The following SPEF2 variants were observed in gnomAD, a reference collection of about 807,000 sequenced individuals.
The protein encoded by SPEF2 is sperm flagella and cilia-associated protein 2.
A neutral mutation model predicts 224.6 loss-of-function variants in SPEF2; 187 were observed. The ratio of observed to expected loss-of-function variants is 0.83; its 90% confidence interval spans 0.74 to 0.94. The LOEUF is 0.94. Ranked by LOEUF, SPEF2 falls within the 40% of genes least tolerant of loss-of-function variation. The pLI, the probability that SPEF2 is intolerant of heterozygous loss-of-function variation, is 0.00. For missense variants in SPEF2, 2,170 were observed against 2,135.6 expected (o/e 1.02, Z -0.32); for synonymous variants, 715 against 707.3 (o/e 1.01, Z -0.17).
At chr5:35,768,613 A>T (rs1752395957) in intron 26 of SPEF2, among the ~76,000 whole-genome samples, 1 of 152,118 alleles carries the variant, frequency 6.6e-6, no homozygotes, top group South Asian at 2.1e-4. Context: ...TATATATTTT[A>T]ACTTATCTCT....
At chr5:35,722,652 C>G (rs1431111158) in intron 20 of SPEF2, among the ~76,000 whole-genome samples, 1 of 98,576 alleles carries the variant, frequency 1.0e-5, no homozygotes, top group Non-Finnish European at 1.9e-5. Context: ...CACCCCACAA[C>G]AGTCCCCAGA....
At chr5:35,753,579 G>A (rs752357375) in intron 23 of SPEF2, 45 bp from the exon 24 acceptor site, 39 of 1,610,752 alleles carry the variant, frequency 2.4e-5, no homozygotes, top group Non-Finnish European at 3.1e-5. Context: ...GGTGATTTGA[G>A]CAGCAATCTA....
intron 33 of SPEF2, among the ~76,000 whole-genome samples, chr5:35,797,857 G>C (rs150059731): frequency 3.7e-4 from 57 of 152,220 alleles, no homozygotes; most frequent in South Asian, 8.3e-4. Context: ...AGTGCTGCCA[G>C]GACTTGCTGT....
chr5:35,659,077 G>A lies in SPEF2; in HGVS notation c.1037G>A (p.Arg346His), dbSNP rs200344955. The A allele has an allele frequency of 4.3e-5, 69 of 1,609,684 alleles. No homozygotes were observed. Among genetic ancestry groups the A allele is most frequent in the Admixed American group, 8.4e-5 (5 of 59,644 alleles). ...CTGATGCGGCAGTCCCAGCAGGAGC[G>A]CAGGATTGCCGTGCAGCTCATGCAT... The part of the protein sequence containing the change: ...NRLMRQSQQE[R>H]RIAVQLMHVR... Residue 346 changes from arginine (R) to histidine (H), a missense_variant, in exon 8 of 37, where the codon CGC becomes CAC. By Grantham distance (29) the Arg-to-His change is conservative. Coordinates refer to ENST00000356031, the MANE Select transcript of SPEF2 (RefSeq NM_024867.4).
intron 2 of SPEF2, among the ~76,000 whole-genome samples, chr5:35,636,768 A>G (rs1335753855): frequency 6.6e-6 from 1 of 152,008 alleles, no homozygotes; most frequent in Admixed American, 6.6e-5. Flanking sequence ...TGAGGTCAAG[A>G]GTTTGAGATG....
chr5:35,775,640 A>G (rs1215382255), intron 28 of SPEF2, among the ~76,000 whole-genome samples: 3 of 152,002 alleles, frequency 2.0e-5, no homozygotes, highest in African/African-American at 4.8e-5. Context: ...AAGACAAATT[A>G]CTCTGGATAG....
intron 6 of SPEF2, among the ~76,000 whole-genome samples, chr5:35,651,964 G>T (rs921074038): frequency 6.6e-6 from 1 of 152,068 alleles, no homozygotes; most frequent in Non-Finnish European, 1.5e-5. Context: ...CTTTAGCTGG[G>T]GTTATTGGCT....
intron 1 of SPEF2, among the ~76,000 whole-genome samples, chr5:35,620,561 G>A (rs1377156293): frequency 6.6e-6 from 1 of 152,090 alleles, no homozygotes; most frequent in Non-Finnish European, 1.5e-5. Flanking sequence ...AATATATAAG[G>A]ATATTTGAAC....
chr5:35,630,400 G>A (rs918312858), intron 2 of SPEF2, among the ~76,000 whole-genome samples: 1 of 152,136 alleles, frequency 6.6e-6, no homozygotes, highest in Non-Finnish European at 1.5e-5. Flanking sequence ...CAAACTTCTT[G>A]AATGCTTTGC....
intron 20 of SPEF2, among the ~76,000 whole-genome samples, chr5:35,722,306 G>A (rs1161165228): frequency 6.6e-6 from 1 of 151,920 alleles, no homozygotes; most frequent in East Asian, 2.0e-4. Flanking sequence ...CATGGGGCAG[G>A]GAGCATCGGG....
At chr5:35,693,077 TG>T in intron 12 of SPEF2, among the ~76,000 whole-genome samples, 1 of 151,684 alleles carries the variant, frequency 6.6e-6, no homozygotes, top group East Asian at 1.9e-4. Flanking sequence ...AGCTGGTAAG[TG>T]GGGGTGGGTG....
intron 30 of SPEF2, among the ~76,000 whole-genome samples, chr5:35,780,092 T>C (rs757621688): frequency 2.6e-5 from 4 of 152,170 alleles, no homozygotes; most frequent in Non-Finnish European, 4.4e-5. Flanking sequence ...TATGGTCATA[T>C]ATCATTCAGA....
chr5:35,749,510 G>C (rs140121696), intron 23 of SPEF2, among the ~76,000 whole-genome samples: 1 of 151,908 alleles, frequency 6.6e-6, no homozygotes, highest in East Asian at 1.9e-4. Context: ...CAAAGTTTCC[G>C]GATACAAGAT....
At chr5:35,650,053 T>G (rs1346433393) in intron 6 of SPEF2, among the ~76,000 whole-genome samples, 1 of 152,190 alleles carries the variant, frequency 6.6e-6, no homozygotes, top group Non-Finnish European at 1.5e-5. Flanking sequence ...TGATCCAAAC[T>G]CTATGCATTT....
intron 21 of SPEF2, among the ~76,000 whole-genome samples, chr5:35,731,194 C>G (rs547933405): frequency 6.6e-6 from 1 of 152,124 alleles, no homozygotes; most frequent in East Asian, 1.9e-4. Flanking sequence ...GAAATGAAGT[C>G]AAATTAATCA....
intron 23 of SPEF2, among the ~76,000 whole-genome samples, chr5:35,742,816 G>A (rs1417181706): frequency 6.6e-6 from 1 of 151,792 alleles, no homozygotes; most frequent in Admixed American, 6.6e-5. Flanking sequence ...TGTTTGAGAT[G>A]AGTTTTAATA....
At chr5:35,714,805 A>G (rs1044831699) in intron 20 of SPEF2, among the ~76,000 whole-genome samples, 3 of 151,894 alleles carry the variant, frequency 2.0e-5, no homozygotes, top group Non-Finnish European at 2.9e-5. Flanking sequence ...TTTTTCAGTT[A>G]ATTGTAAATG....
intron 34 of SPEF2, among the ~76,000 whole-genome samples, chr5:35,802,407 G>GGACC (rs1487968205): frequency 6.6e-6 from 1 of 152,116 alleles, no homozygotes; most frequent in Non-Finnish European, 1.5e-5. Flanking sequence ...CGTGTGCTGG[G>GGACC]GACCACTCTC....
chr5:35,624,915 G>A (rs1387111526), intron 1 of SPEF2, among the ~76,000 whole-genome samples: 1 of 152,322 alleles, frequency 6.6e-6, no homozygotes, highest in African/African-American at 2.4e-5. Flanking sequence ...GATTACAGGC[G>A]TGAGCCACGG....
Sources: gnomAD v4.1 joint callset for allele counts (sites outside exome capture counted in the v4.1 genomes callset) on GRCh38, gnomAD v4.1.1 for gene constraint, MANE v1.5 for transcripts, NCBI Gene and HGNC (gene_info 2026-07-23, HGNC 2026-07-21) for gene names.